The following SOX13 variants were observed in gnomAD, a reference collection of about 807,000 sequenced individuals.
SOX13 encodes the protein SRY-box transcription factor 13.
A neutral mutation model predicts 71.8 loss-of-function variants in SOX13; 28 were observed. That is an observed-to-expected ratio of 0.39 (90% CI 0.29 to 0.53). The LOEUF is 0.53. Ranked by LOEUF, SOX13 falls within the 20% of genes least tolerant of loss-of-function variation. The pLI is 0.70. For synonymous variants in SOX13, 309 were observed against 317.8 expected, an observed-to-expected ratio of 0.97 and a Z score of 0.29; for missense variants, 627 against 810.3, an observed-to-expected ratio of 0.77 and a Z score of 2.75.
rs1186899212 is a variant in SOX13, at chr1:204,123,695, C to T, written c.1266C>T (p.Ser422=). 1.2e-6 allele frequency: 2 copies of T among 1,614,008 alleles called. No individual in the cohort carries two copies. The highest frequency in any genetic ancestry group is 2.7e-5 in the African/African-American group (2 of 74,928). Residue 422 remains serine, a synonymous_variant, in exon 12 of 14, where the codon AGC becomes AGT. Transcript: ENST00000367204. This position sits in a 1 kb window ranked among gnomAD's most constrained non-coding sequence, Gnocchi z 5.0. ...ACTTCCCCGAGTCCCGAAACAGCAG[C>T]CACATCAAGAGGCCCATGAACGCCT... The part of the protein sequence containing the change: ...SRHFPESRNS[S]HIKRPMNAFM...
chr1:204,085,123 T>C (rs1558210407), intron 1 of SOX13, among the ~76,000 whole-genome samples: 1 of 152,182 alleles, frequency 6.6e-6, no homozygotes, highest in African/African-American at 2.4e-5. Flanking sequence ...TCCTTACCTA[T>C]TTCTAAAGCA....
At chr1:204,115,245 C>T (rs1656664713) in intron 4 of SOX13, among the ~76,000 whole-genome samples, 1 of 151,792 alleles carries the variant, frequency 6.6e-6, no homozygotes, top group South Asian at 2.1e-4. Context: ...TGGGCCTAAA[C>T]AGTCCTCCCA....
intron 13 of SOX13, 112 bp downstream of exon 13, chr1:204,124,969 G>A: frequency 2.7e-6 from 2 of 749,944 alleles, no homozygotes; most frequent in Non-Finnish European, 4.6e-6. Context: ...CAGGGGTGCT[G>A]TGTGTATGCG....
At chr1:204,119,522 A>G (rs537991620) in intron 7 of SOX13, 1 of 152,264 alleles carries the variant, frequency 6.6e-6, no homozygotes, top group East Asian at 1.9e-4. Flanking sequence ...TCCTAAGTCT[A>G]TCACATTGGG....
At chr1:204,106,516 A>C (rs912833971) in intron 1 of SOX13, among the ~76,000 whole-genome samples, 1 of 122,808 alleles carries the variant, frequency 8.1e-6, no homozygotes, top group Non-Finnish European at 1.7e-5. Context: ...CTCCAAAATA[A>C]ATTTTTTTTT....
At chr1:204,082,945 A>G (rs549501742) in intron 1 of SOX13, among the ~76,000 whole-genome samples, 2 of 152,350 alleles carry the variant, frequency 1.3e-5, no homozygotes, top group African/African-American at 4.8e-5. Context: ...GTACAACTGT[A>G]CACGATAGCC....
intron 1 of SOX13, among the ~76,000 whole-genome samples, chr1:204,088,396 G>A (rs1046236141): frequency 1.3e-5 from 2 of 152,314 alleles, no homozygotes; most frequent in East Asian, 1.9e-4. Context: ...GAAAGAGAGC[G>A]AGGCAGAAAG....
chr1:204,086,866 G>A (rs1656032657), intron 1 of SOX13, among the ~76,000 whole-genome samples: 2 of 152,162 alleles, frequency 1.3e-5, no homozygotes, highest in African/African-American at 2.4e-5. Flanking sequence ...GCTCATGTCC[G>A]AAGCCTGTCT....
At chr1:204,098,660 G>T (rs1656301451) in intron 1 of SOX13, among the ~76,000 whole-genome samples, 1 of 152,212 alleles carries the variant, frequency 6.6e-6, no homozygotes, top group Non-Finnish European at 1.5e-5. Context: ...GTTCAGGAAT[G>T]AATGCGAAGC....
At chr1:204,078,382 G>A (rs1455340742) in intron 1 of SOX13, among the ~76,000 whole-genome samples, 1 of 152,148 alleles carries the variant, frequency 6.6e-6, no homozygotes, top group Non-Finnish European at 1.5e-5. Flanking sequence ...TGACACCACC[G>A]GAAAAAGTGG....
chr1:204,113,497 C>T (rs1398753333), intron 2 of SOX13, among the ~76,000 whole-genome samples: 1 of 152,028 alleles, frequency 6.6e-6, no homozygotes, highest in Non-Finnish European at 1.5e-5. Context: ...GGAAAATCAA[C>T]CTGATTACAC....
intron 2 of SOX13, 68 bp from the exon 3 acceptor site, chr1:204,114,253 G>T: frequency 9.4e-7 from 1 of 1,062,800 alleles, no homozygotes; most frequent in South Asian, 1.5e-5. Flanking sequence ...TCTTTGGGGT[G>T]CCCAGCCCTC....
intron 4 of SOX13, among the ~76,000 whole-genome samples, chr1:204,115,014 AT>A (rs879275694): frequency 6.1e-3 from 869 of 141,518 alleles, no homozygotes; most frequent in Middle Eastern, 0.015. Flanking sequence ...CCTTAGAGTG[AT>A]TTTTTTTTTT....
rs562391321 is a variant in SOX13 at position 204,083,271 on chromosome 1, G to T, written c.-2+9560G>T. ...GTCCTCTTGGGCCAATTGGCCACAGGTGTAAGGAGCCTCCTGATTCCTGAG... is the reference window on the plus strand; with the variant it reads ...GTCCTCTTGGGCCAATTGGCCACAGTTGTAAGGAGCCTCCTGATTCCTGAG... On this transcript the variant is annotated intron_variant, in intron 1 of 13. Transcript: ENST00000367204. Among the ~76,000 whole-genome samples, 129 of 152,264 alleles carry T rather than the reference G, an allele frequency of 8.5e-4. 1 individual carries two copies. The highest frequency in any genetic ancestry group is 1.5e-3 in the Non-Finnish European group (103 of 68,014).
At chr1:204,095,869 G>A (rs1477438723) in intron 1 of SOX13, among the ~76,000 whole-genome samples, 3 of 152,014 alleles carry the variant, frequency 2.0e-5, no homozygotes, top group African/African-American at 7.3e-5. Flanking sequence ...TCTACTTTCT[G>A]TCTCTATGAA....
At chr1:204,104,491 G>C (rs1656420335) in intron 1 of SOX13, among the ~76,000 whole-genome samples, 1 of 152,386 alleles carries the variant, frequency 6.6e-6, no homozygotes, top group East Asian at 1.9e-4. Context: ...CCGGGGCACT[G>C]TTCTGGGCAC....
intron 1 of SOX13, among the ~76,000 whole-genome samples, chr1:204,077,244 G>A (rs1480323489): frequency 6.6e-6 from 1 of 152,250 alleles, no homozygotes; most frequent in East Asian, 1.9e-4. Flanking sequence ...GGAGAAATCA[G>A]AGGAGAGCCA....
At chr1:204,116,744 G>T in intron 5 of SOX13, 65 bp downstream of exon 5, 1 of 1,589,114 alleles carries the variant, frequency 6.3e-7, no homozygotes, top group Non-Finnish European at 8.6e-7. Context: ...ACCTAGAGAA[G>T]GCTGCCTTAG....
At chr1:204,114,936 T>A (rs1287546189) in intron 4 of SOX13, among the ~76,000 whole-genome samples, 1 of 152,104 alleles carries the variant, frequency 6.6e-6, no homozygotes, top group Non-Finnish European at 1.5e-5. Context: ...TCACTCTAAT[T>A]AATTCTAGGT....
Sources: allele counts gnomAD v4.1 joint callset (sites outside exome capture counted in the v4.1 genomes callset), GRCh38; gene constraint gnomAD v4.1.1; non-coding constraint Gnocchi (gnomAD v3.1); transcripts MANE v1.5; gene names NCBI Gene and HGNC (gene_info 2026-07-23, HGNC 2026-07-21).